PATJ: variants seen among roughly 807,000 people sequenced by gnomAD.
PATJ encodes the protein PATJ crumbs cell polarity complex component.
In PATJ, 190 loss-of-function variants were observed where a neutral mutation model predicts 224.9. That is an observed-to-expected ratio of 0.84 (90% CI 0.75 to 0.95). The LOEUF (loss-of-function observed/expected upper bound fraction) is 0.95. Ranked by LOEUF, PATJ falls within the 40% of genes least tolerant of loss-of-function variation. The pLI, the probability that PATJ is intolerant of heterozygous loss-of-function variation, is 0.00. For missense variants in PATJ, 2,121 were observed against 2,270.3 expected (o/e 0.93, Z 1.34); for synonymous variants, 769 against 820.3 (o/e 0.94, Z 1.07).
rs1194528924 is a variant in PATJ, at chr1:61,853,827, T to G, written c.2113-2203T>G. On this transcript the variant is annotated intron_variant, in intron 17 of 43. Coordinates refer to ENST00000642238, the MANE Select transcript of PATJ (RefSeq NM_001350145.3). ...TAATTATAGTTTAACACTACTTTAT[T>G]AGTGAGTTCCCTGGGCTCTTTTTTA... is the stretch of plus-strand genomic sequence containing the variant. Among the ~76,000 whole-genome samples the G allele has an allele frequency of 2.0e-5, 3 of 152,198 alleles. No individual in the cohort carries two copies. In the East Asian group the frequency reaches 5.8e-4, roughly 29 times the overall value.
chr1:62,110,593 G>A (rs1193535238), intron 34 of PATJ, among the ~76,000 whole-genome samples: 6 of 152,156 alleles, frequency 3.9e-5, no homozygotes, highest in East Asian at 1.9e-4. Context: ...TATGATGAGC[G>A]TCAGCTGTGT....
rs142542282 is a variant in PATJ at position 61,827,968 on chromosome 1, C to T, written c.1980+385C>T. Reference sequence around the variant, plus strand: ...GAGCCTTAAAATTATGAAACTCAGCCGGGCGCGGTGGCTCACACCTGTAAT... The same window carrying T: ...GAGCCTTAAAATTATGAAACTCAGCTGGGCGCGGTGGCTCACACCTGTAAT... On this transcript the variant is annotated intron_variant, in intron 16 of 43. Coordinates refer to ENST00000642238, the MANE Select transcript of PATJ (RefSeq NM_001350145.3). Among the ~76,000 whole-genome samples the T allele has an allele frequency of 4.6e-3, 703 of 152,198 alleles. 5 individuals are homozygous for T. The highest frequency in any genetic ancestry group is 0.015 in the African/African-American group (636 of 41,512).
At chr1:62,090,732 C>T (rs1473089703) in intron 33 of PATJ, among the ~76,000 whole-genome samples, 1 of 152,166 alleles carries the variant, frequency 6.6e-6, no homozygotes, top group Non-Finnish European at 1.5e-5. Flanking sequence ...TGCATGAAAT[C>T]CTACAGCTTA....
chr1:61,788,169 C>T (rs1333168050), intron 8 of PATJ, among the ~76,000 whole-genome samples, 197 bp downstream of exon 8: 1 of 151,718 alleles, frequency 6.6e-6, no homozygotes, highest in Non-Finnish European at 1.5e-5. Context: ...TTAAGTCATT[C>T]AGCCTCCCTG....
At chr1:61,826,985 T>G (rs1658381947) in intron 15 of PATJ, among the ~76,000 whole-genome samples, 1 of 152,160 alleles carries the variant, frequency 6.6e-6, no homozygotes, top group Non-Finnish European at 1.5e-5. Flanking sequence ...TAAATTTCTG[T>G]AGTGATATTC....
intron 20 of PATJ, among the ~76,000 whole-genome samples, chr1:61,869,256 GC>G (rs1665936198): frequency 6.7e-6 from 1 of 150,342 alleles, no homozygotes; most frequent in Non-Finnish European, 1.5e-5. Context: ...ACAGGCGCCC[GC>G]CACTACGCCC....
In PATJ at chr1:61,775,265, T is replaced by C. The variant is rs1646848646; in HGVS notation, c.780T>C (p.Phe260=). ...ELINDGSGLG[F]GIVGGKTSGV... ...TTAATGATGGCTCTGGACTAGGTTT[T>C]GGAATAGTTGGAGGAAAAACAAGTG... Residue 260 remains phenylalanine (F), a synonymous_variant, in exon 7 of 44, where the codon TTT becomes TTC. Coordinates refer to ENST00000642238, the MANE Select transcript of PATJ (RefSeq NM_001350145.3). 6.2e-7 allele frequency: 1 copy of C among 1,613,994 alleles called. No individual in the cohort carries two copies. Among genetic ancestry groups the C allele is most frequent in the Non-Finnish European group, 8.5e-7 (1 of 1,179,898 alleles).
intron 34 of PATJ, among the ~76,000 whole-genome samples, chr1:62,112,396 C>G (rs1663942447): frequency 6.6e-6 from 1 of 152,144 alleles, no homozygotes; most frequent in Admixed American, 6.5e-5. Flanking sequence ...ATCCCAGCTG[C>G]TCGGGAGTCT....
At chr1:61,811,913 T>G (rs1654844274) in intron 14 of PATJ, among the ~76,000 whole-genome samples, 2 of 151,384 alleles carry the variant, frequency 1.3e-5, no homozygotes, top group East Asian at 2.0e-4. Context: ...TACAAAAAAT[T>G]AGCCGGGCGT....
chr1:61,756,723 C>A (rs539449327), intron 1 of PATJ, among the ~76,000 whole-genome samples: 1 of 151,878 alleles, frequency 6.6e-6, no homozygotes, highest in South Asian at 2.1e-4. Flanking sequence ...GGACAACAGG[C>A]GTGCGCCACC....
chr1:61,832,910 T>C (rs949094955), intron 16 of PATJ, among the ~76,000 whole-genome samples: 6 of 152,196 alleles, frequency 3.9e-5, no homozygotes, highest in African/African-American at 1.2e-4. Context: ...TTTAACTTCC[T>C]GGAATTCCAC....
At chr1:62,105,900 C>A (rs754014255) in intron 33 of PATJ, among the ~76,000 whole-genome samples, 3 of 150,264 alleles carry the variant, frequency 2.0e-5, no homozygotes, top group African/African-American at 7.3e-5. Flanking sequence ...GTATAGAAGC[C>A]CTTTTTTTGT....
intron 17 of PATJ, 67 bp from the exon 18 acceptor site, chr1:61,855,963 G>A: frequency 8.7e-7 from 1 of 1,146,726 alleles, no homozygotes; most frequent in South Asian, 1.3e-5. Flanking sequence ...GTCAACTCAA[G>A]CTGTCCTAAG....
intron 30 of PATJ, among the ~76,000 whole-genome samples, chr1:62,048,559 AAAAAAAAAAAAG>A (rs1652985176): frequency 7.6e-6 from 1 of 130,908 alleles, no homozygotes; most frequent in African/African-American, 4.4e-5. Context: ...AAAAAAAAAA[AAAAAAAAAAAAG>A]AAAAAGAAAG....
intron 15 of PATJ, among the ~76,000 whole-genome samples, chr1:61,823,624 T>C (rs2148727052): frequency 6.6e-6 from 1 of 152,296 alleles, no homozygotes; most frequent in East Asian, 1.9e-4. Context: ...AAAGACTGCA[T>C]AGAAGAGGGT....
intron 26 of PATJ, among the ~76,000 whole-genome samples, chr1:61,917,415 G>A (rs1673606939): frequency 6.6e-6 from 1 of 152,162 alleles, no homozygotes; most frequent in Non-Finnish European, 1.5e-5. Flanking sequence ...TACCATGAAT[G>A]GCACTGGCAT....
chr1:61,765,459 CTG>C (rs1362266418), intron 3 of PATJ, among the ~76,000 whole-genome samples: 1 of 151,756 alleles, frequency 6.6e-6, no homozygotes, highest in Non-Finnish European at 1.5e-5. Context: ...TCTCGGCTCA[CTG>C]TAGCCTCCAC....
chr1:62,021,825 C>T (rs969582950), intron 29 of PATJ, among the ~76,000 whole-genome samples: 7 of 152,278 alleles, frequency 4.6e-5, no homozygotes, highest in Non-Finnish European at 1.0e-4. Flanking sequence ...GAAGTTAACA[C>T]TTAAATCATC....
chr1:61,972,819 A>G (rs1683162111), intron 27 of PATJ, among the ~76,000 whole-genome samples: 1 of 152,030 alleles, frequency 6.6e-6, no homozygotes, highest in Admixed American at 6.6e-5. Flanking sequence ...CAACAGGTAC[A>G]GTGTGGCTTC....
Sources: allele counts gnomAD v4.1 joint callset (sites outside exome capture counted in the v4.1 genomes callset), GRCh38; gene constraint gnomAD v4.1.1; transcripts MANE v1.5; gene names NCBI Gene and HGNC (gene_info 2026-07-23, HGNC 2026-07-21).